SLC45A2: variants seen among roughly 807,000 people sequenced by gnomAD.
SLC45A2 encodes the protein membrane-associated transporter protein.
A neutral mutation model predicts 45.5 loss-of-function variants in SLC45A2; 36 were observed. The observed-to-expected ratio is 0.79, with a 90% CI of 0.61 to 1.04. The LOEUF is 1.04. Ranked by LOEUF, SLC45A2 falls within the 50% of genes least tolerant of loss-of-function variation. The pLI is 0.00. For synonymous variants in SLC45A2, 306 were observed against 269.3 expected (o/e 1.14, Z -1.33); for missense variants, 719 against 671.0 (o/e 1.07, Z -0.79).
chr5:33,978,057 CTGAGTG>C lies in SLC45A2; in HGVS notation c.562+4173_562+4178del, dbSNP rs1184413361. 4.6e-5 allele frequency among the ~76,000 whole-genome samples: 7 copies of C among 152,200 alleles called. No individual in the cohort carries two copies. The East Asian group carries it at 1.3e-3, about 29-fold the overall frequency. On this transcript the variant is annotated intron_variant, in intron 2 of 6. Coordinates refer to ENST00000296589, the MANE Select transcript of SLC45A2 (RefSeq NM_016180.5). The stretch of plus-strand genomic sequence containing the variant: ...ATAAAATTCTAAGGCCTCCAACTGA[CTGAGTG>C]GACACCCTTCTTGGCCAAGAGGATC...
intron 3 of SLC45A2, among the ~76,000 whole-genome samples, chr5:33,963,313 C>A (rs1752501772): frequency 6.6e-6 from 1 of 152,178 alleles, no homozygotes. Flanking sequence ...CCAACTCAGT[C>A]ACCAACCCAA....
In SLC45A2 at chr5:33,947,201, TA is replaced by T. The variant is rs778023978; in HGVS notation, c.1329del (p.Phe443LeufsTer27). On this transcript the variant is annotated frameshift_variant, in exon 6 of 7. Coordinates refer to ENST00000296589, the MANE Select transcript of SLC45A2 (RefSeq NM_016180.5). LOFTEE classifies it high-confidence loss of function. ...VMSSTLYTVP[F>X]NLITEYHREE... is the part of the protein sequence containing the mutation. ...TCGCGGTGGTACTCAGTAATGAGGT[TA>T]AAGGGCACAGTGTACAGGGTGCTGG... 3.1e-6 allele frequency: 5 copies of T among 1,614,226 alleles called. No homozygotes were observed. The highest frequency in any genetic ancestry group is 3.3e-5 in the Admixed American group (2 of 60,028).
At chr5:33,955,928 A>G (rs761446257) in intron 3 of SLC45A2, among the ~76,000 whole-genome samples, 6 of 152,172 alleles carry the variant, frequency 3.9e-5, no homozygotes, top group Admixed American at 1.3e-4. Flanking sequence ...ATGGTGAAAC[A>G]CTGATTTTTT....
At chr5:33,967,187 A>G (rs1752625840) in intron 2 of SLC45A2, among the ~76,000 whole-genome samples, 1 of 152,222 alleles carries the variant, frequency 6.6e-6, no homozygotes, top group South Asian at 2.1e-4. Flanking sequence ...GGATTTAGTC[A>G]TTTTAGGCCC....
In SLC45A2 at chr5:33,947,276, G is replaced by T. The variant is rs543964467; in HGVS notation, c.1255C>A (p.Pro419Thr). 6.8e-6 allele frequency: 11 copies of T among 1,614,174 alleles called. No individual in the cohort carries two copies. In the East Asian group the frequency reaches 2.5e-4, roughly 36 times the overall value. ...GLGTGFIGLFPNVYSTLVLCS... is the reference protein window; with the variant it reads ...GLGTGFIGLFTNVYSTLVLCS... ...AGGACCAGGGTGGAGTAGACATTCG[G>T]GAAGAGCCCAATAAATCCCGTCCCC... is the stretch of plus-strand genomic sequence containing the variant. The change falls in exon 6 of 7, where the codon CCG (proline) becomes ACG (threonine). Residue 419 changes from proline to threonine, a missense_variant. Coordinates refer to ENST00000296589, the MANE Select transcript of SLC45A2 (RefSeq NM_016180.5).
At position 33,944,630 on chromosome 5, in the gene SLC45A2, C is replaced by T; in HGVS notation, c.*18G>A. On this transcript the variant is annotated 3_prime_UTR_variant, in exon 7 of 7. Transcript: ENST00000296589. ...GCTTCACTGTCTCTGAGGTTAGGGT[C>T]ATTGTCTCTTTATTGACCTAATCCA... is the stretch of plus-strand genomic sequence containing the variant. 6.2e-7 allele frequency: 1 copy of T among 1,612,442 alleles called. No homozygotes were observed. Among genetic ancestry groups the T allele is most frequent in the East Asian group, 2.2e-5 (1 of 44,880 alleles).
chr5:33,955,623 A>G (rs775319310), intron 3 of SLC45A2, among the ~76,000 whole-genome samples: 8 of 152,074 alleles, frequency 5.3e-5, no homozygotes, highest in African/African-American at 7.2e-5. Context: ...ACAATGTAGA[A>G]CTCAAATATA....
chr5:33,979,593 T>C (rs896995032), intron 2 of SLC45A2, among the ~76,000 whole-genome samples: 15 of 152,170 alleles, frequency 9.9e-5, no homozygotes, highest in African/African-American at 3.4e-4. Context: ...ATCAAATAAA[T>C]GTATATTGGG....
chr5:33,972,081 T>C (rs2111986998), intron 2 of SLC45A2: 2 of 505,172 alleles, frequency 4.0e-6, no homozygotes, highest in South Asian at 1.4e-5. Context: ...AGTTCTATTG[T>C]AGACAAGCAC....
rs748961748 is a variant in SLC45A2 at position 33,963,842 on chromosome 5, G to A, written c.737C>T (p.Ala246Val). The A allele has an allele frequency of 9.3e-6, 15 of 1,613,994 alleles. No individual in the cohort carries two copies. The change falls in exon 3 of 7, where the codon GCA becomes GTA. Residue 246 changes from alanine to valine, a missense_variant. Transcript: ENST00000296589. ...GGTTTGCTGTGGGGGAATGCCCTTT[G>A]CAACCTCTGTAAGTGGGGCTTCAGA... ...SISEAPLTEV[A>V]KGIPPQQTPQ...
chr5:33,946,135 G>A (rs1751919087), intron 6 of SLC45A2: 1 of 985,410 alleles, frequency 1.0e-6, no homozygotes, highest in Non-Finnish European at 1.2e-6. Flanking sequence ...TGAGCCTGAA[G>A]CGTAGGTTTT....
At chr5:33,946,599 G>A (rs1237866956) in intron 6 of SLC45A2, 2 of 1,003,034 alleles carry the variant, frequency 2.0e-6, no homozygotes, top group African/African-American at 3.5e-5. Context: ...GTCCCGCTCA[G>A]GGCAGCAAAG....
Position 33,944,634 on chromosome 5 carries a change from G to T in SLC45A2, c.*14C>A. On this transcript the variant is annotated 3_prime_UTR_variant, in exon 7 of 7. Transcript: ENST00000296589. ...CACTGTCTCTGAGGTTAGGGTCATT[G>T]TCTCTTTATTGACCTAATCCACATA... 1 of 1,611,744 alleles carries T rather than the reference G, an allele frequency of 6.2e-7. No individual in the cohort carries two copies. The highest frequency in any genetic ancestry group is 8.5e-7 in the Non-Finnish European group (1 of 1,177,984).
chr5:33,973,083 TG>T (rs1752832262), intron 2 of SLC45A2, among the ~76,000 whole-genome samples: 1 of 152,096 alleles, frequency 6.6e-6, no homozygotes, highest in South Asian at 2.1e-4. Flanking sequence ...GAGTCAGGGC[TG>T]GGGGTGTGTG....
intron 4 of SLC45A2, among the ~76,000 whole-genome samples, chr5:33,952,595 C>T (rs1373505478): frequency 6.6e-6 from 1 of 151,414 alleles, no homozygotes; most frequent in Non-Finnish European, 1.5e-5. Context: ...CCTTGGAAGA[C>T]TTTGCAGGCT....
intron 2 of SLC45A2, among the ~76,000 whole-genome samples, chr5:33,979,714 G>C (rs182070904): frequency 2.0e-5 from 3 of 152,276 alleles, no homozygotes; most frequent in African/African-American, 7.2e-5. Flanking sequence ...TGTTAATGCT[G>C]ATCAATTGTG....
intron 2 of SLC45A2, chr5:33,970,862 C>A: frequency 3.0e-6 from 1 of 331,882 alleles, no homozygotes; most frequent in Non-Finnish European, 5.9e-6. Flanking sequence ...CACTTCTCAT[C>A]ATGGTGGACC....
intron 6 of SLC45A2, chr5:33,946,881 T>A (rs1751945477): frequency 7.2e-7 from 1 of 1,381,002 alleles, no homozygotes; most frequent in Non-Finnish European, 9.4e-7. Flanking sequence ...TTTCTCAGCC[T>A]CACCAAGCCT....
intron 4 of SLC45A2, among the ~76,000 whole-genome samples, chr5:33,954,078 C>T (rs1752195867): frequency 6.6e-6 from 1 of 151,548 alleles, no homozygotes; most frequent in Non-Finnish European, 1.5e-5. Context: ...GAGTGACCTA[C>T]AAAGAGACTT....
Sources: allele counts gnomAD v4.1 joint callset (sites outside exome capture counted in the v4.1 genomes callset), GRCh38; gene constraint gnomAD v4.1.1; transcripts MANE v1.5; gene names NCBI Gene and HGNC (gene_info 2026-07-23, HGNC 2026-07-21).